Variants in CTNND2 observed in about 807,000 individuals in gnomAD.
The protein encoded by CTNND2 is catenin delta-2.
A neutral mutation model predicts 144.4 loss-of-function variants in CTNND2; 22 were observed. That is an observed-to-expected ratio of 0.15 (90% CI 0.11 to 0.22). The LOEUF (loss-of-function observed/expected upper bound fraction) is 0.22. CTNND2 is among the 10% of genes least tolerant of loss of function. CTNND2 has a pLI of 1.00. For missense variants in CTNND2, 1,353 were observed against 1,618.8 expected (o/e 0.84, Z 2.82); for synonymous variants, 751 against 695.6 (o/e 1.08, Z -1.25).
intron 2 of CTNND2, among the ~76,000 whole-genome samples, chr5:11,691,707 C>T (rs189291550): frequency 9.1e-4 from 139 of 152,138 alleles, no homozygotes; most frequent in Middle Eastern, 3.4e-3. Flanking sequence ...GAGTTTAAGA[C>T]CAGCCCTGGC....
At chr5:11,396,296 G>A (rs910118317) in intron 6 of CTNND2, among the ~76,000 whole-genome samples, 1 of 151,872 alleles carries the variant, frequency 6.6e-6, no homozygotes, top group African/African-American at 2.4e-5. Flanking sequence ...ACTCTGGTGG[G>A]TACCTCAAAA....
intron 9 of CTNND2, among the ~76,000 whole-genome samples, chr5:11,292,037 T>C (rs1458831760): frequency 6.6e-6 from 1 of 152,148 alleles, no homozygotes; most frequent in Non-Finnish European, 1.5e-5. Flanking sequence ...GGTAGCACTA[T>C]GTTCGAATCT....
At chr5:11,565,492 C>A (rs1295695462) in intron 2 of CTNND2, among the ~76,000 whole-genome samples, 1 of 152,154 alleles carries the variant, frequency 6.6e-6, no homozygotes, top group Admixed American at 6.5e-5. Context: ...GGCCTTCTGG[C>A]CAACTCTATA....
chr5:11,291,951 A>G (rs555842438), intron 9 of CTNND2, among the ~76,000 whole-genome samples: 8 of 151,046 alleles, frequency 5.3e-5, no homozygotes, highest in African/African-American at 1.7e-4. Context: ...CCTAAATTTA[A>G]AAAAAAAAAT....
chr5:11,746,916 T>C (rs1420399553), intron 1 of CTNND2, among the ~76,000 whole-genome samples: 2 of 152,160 alleles, frequency 1.3e-5, no homozygotes, highest in Non-Finnish European at 2.9e-5. Flanking sequence ...ATATTCAATA[T>C]GTTAAATTAA....
chr5:11,660,251 T>C (rs1034493408), intron 2 of CTNND2, among the ~76,000 whole-genome samples: 1 of 152,082 alleles, frequency 6.6e-6, no homozygotes, highest in Non-Finnish European at 1.5e-5. Flanking sequence ...AGAAATTTAA[T>C]GAAAGAATAG....
intron 16 of CTNND2, among the ~76,000 whole-genome samples, chr5:11,056,160 T>C (rs1172751226): frequency 1.3e-5 from 2 of 152,234 alleles, no homozygotes; most frequent in Non-Finnish European, 2.9e-5. Flanking sequence ...GACTTTTGTT[T>C]CTGAGAATAA....
chr5:11,293,403 C>T lies in CTNND2; in HGVS notation c.1628+52969G>A, dbSNP rs1023091423. 4.6e-5 allele frequency among the ~76,000 whole-genome samples: 7 copies of T among 152,164 alleles called. No homozygotes were observed. In the South Asian group the frequency reaches 1.5e-3, roughly 32 times the overall value. Reference sequence around the variant, plus strand: ...TTCATTTTAGGTGAGATTGTGTTCACAAAAAGATATCCAAGGGGAACTTAT... The same window carrying T: ...TTCATTTTAGGTGAGATTGTGTTCATAAAAAGATATCCAAGGGGAACTTAT... On this transcript the variant is annotated intron_variant, in intron 9 of 21. Transcript: ENST00000304623.
intron 10 of CTNND2, among the ~76,000 whole-genome samples, chr5:11,213,108 G>T (rs1036443618): frequency 1.3e-5 from 2 of 152,074 alleles, no homozygotes; most frequent in African/African-American, 4.8e-5. Context: ...ACACACACAG[G>T]GGTTTCTACA....
At chr5:11,335,552 A>C (rs1178202454) in intron 9 of CTNND2, among the ~76,000 whole-genome samples, 2 of 152,174 alleles carry the variant, frequency 1.3e-5, no homozygotes, top group Admixed American at 6.5e-5. Context: ...ATTAATTGAG[A>C]TATGCTAAAA....
intron 16 of CTNND2, 58 bp downstream of exon 16, chr5:11,082,638 C>T: frequency 1.3e-6 from 2 of 1,588,420 alleles, no homozygotes; most frequent in Admixed American, 1.7e-5. Flanking sequence ...CCACACCTAC[C>T]CCTAGAGAAA....
chr5:11,581,022 G>A (rs1486823792), intron 2 of CTNND2, among the ~76,000 whole-genome samples: 1 of 152,036 alleles, frequency 6.6e-6, no homozygotes, highest in Non-Finnish European at 1.5e-5. Context: ...TTTCACATAT[G>A]GCCTAAAAGT....
chr5:11,677,507 A>G (rs1399042580), intron 2 of CTNND2, among the ~76,000 whole-genome samples: 1 of 152,236 alleles, frequency 6.6e-6, no homozygotes, highest in Non-Finnish European at 1.5e-5. Context: ...GATACCAGAT[A>G]GACTACTATA....
chr5:11,828,046 G>C (rs1793691131), intron 1 of CTNND2, among the ~76,000 whole-genome samples: 1 of 152,140 alleles, frequency 6.6e-6, no homozygotes. Context: ...CTCCTACCAA[G>C]AGCCCAGACC....
chr5:11,195,397 A>G (rs1288076529), intron 11 of CTNND2, among the ~76,000 whole-genome samples: 1 of 152,240 alleles, frequency 6.6e-6, no homozygotes, highest in Non-Finnish European at 1.5e-5. Flanking sequence ...AAGAGGGCAT[A>G]GGATCTTGGA....
In CTNND2 at chr5:11,062,133, G is replaced by C. The variant is rs185043127; in HGVS notation, c.2788+20563C>G. ...AATATTGGTCAAATGAATGAATGAGGAGATAAATTAATTCCACATCTTGGA... is the reference window on the plus strand; with the variant it reads ...AATATTGGTCAAATGAATGAATGAGCAGATAAATTAATTCCACATCTTGGA... On this transcript the variant is annotated intron_variant, in intron 16 of 21. Coordinates refer to ENST00000304623, the MANE Select transcript of CTNND2 (RefSeq NM_001332.4). 5.2e-3 allele frequency among the ~76,000 whole-genome samples: 787 copies of C among 152,284 alleles called. 4 individuals carry two copies. The highest frequency in any genetic ancestry group is 8.9e-3 in the Non-Finnish European group (607 of 68,022).
intron 3 of CTNND2, among the ~76,000 whole-genome samples, chr5:11,443,444 GTGTA>G (rs1427723403): frequency 6.7e-6 from 1 of 149,290 alleles, no homozygotes; most frequent in African/African-American, 2.5e-5. Flanking sequence ...TGTGTGGTGT[GTGTA>G]TGTCTGTGCG....
At chr5:11,719,960 T>G in intron 2 of CTNND2, among the ~76,000 whole-genome samples, 1 of 152,038 alleles carries the variant, frequency 6.6e-6, no homozygotes, top group Non-Finnish European at 1.5e-5. Context: ...ATTTTGAGCA[T>G]GCTGTGCAAG....
intron 18 of CTNND2, among the ~76,000 whole-genome samples, chr5:11,002,862 C>T (rs1740096892): frequency 6.6e-6 from 1 of 152,166 alleles, no homozygotes; most frequent in South Asian, 2.1e-4. Context: ...GATTCATCAA[C>T]TATTTTCTTA....
Sources: gnomAD v4.1 joint callset for allele counts (sites outside exome capture counted in the v4.1 genomes callset) on GRCh38, gnomAD v4.1.1 for gene constraint, MANE v1.5 for transcripts, NCBI Gene and HGNC (gene_info 2026-07-23, HGNC 2026-07-21) for gene names.